Variants in DLGAP1 observed in about 807,000 individuals in gnomAD.
The protein encoded by DLGAP1 is disks large-associated protein 1.
Under a neutral mutation model 90.8 loss-of-function variants are expected in DLGAP1, and 11 were observed. The ratio of observed to expected loss-of-function variants is 0.12; its 90% CI spans 0.08 to 0.20. DLGAP1 has a LOEUF of 0.20. DLGAP1 is among the 10% of genes least tolerant of loss of function. The pLI is 1.00. For missense variants in DLGAP1, 1,050 were observed against 1,333.8 expected, an observed-to-expected ratio of 0.79 and a Z score of 3.31; for synonymous variants, 558 against 540.7, an observed-to-expected ratio of 1.03 and a Z score of -0.44.
chr18:3,675,848 T>C (rs978682256), intron 7 of DLGAP1, among the ~76,000 whole-genome samples: 11 of 152,234 alleles, frequency 7.2e-5, no homozygotes, highest in South Asian at 2.1e-4. Context: ...CACATGACTT[T>C]TTTTTGTACC....
intron 3 of DLGAP1, among the ~76,000 whole-genome samples, chr18:3,889,212 C>T (rs959160032): frequency 1.3e-4 from 19 of 151,940 alleles, no homozygotes; most frequent in Admixed American, 5.9e-4. Flanking sequence ...TAAAGACAGC[C>T]GTGATGGAAG....
At chr18:4,069,821 C>G (rs2075421668) in intron 2 of DLGAP1, among the ~76,000 whole-genome samples, 1 of 152,182 alleles carries the variant, frequency 6.6e-6, no homozygotes, top group Admixed American at 6.5e-5. Flanking sequence ...GCCAATTTAT[C>G]TCTTCATTTG....
intron 5 of DLGAP1, among the ~76,000 whole-genome samples, chr18:3,812,179 T>G (rs1210471799): frequency 1.3e-5 from 2 of 152,144 alleles, no homozygotes; most frequent in Non-Finnish European, 2.9e-5. Context: ...TACCTAACAT[T>G]GTGTCTAGTG....
intron 7 of DLGAP1, among the ~76,000 whole-genome samples, chr18:3,648,874 T>G (rs1343683568): frequency 1.3e-5 from 2 of 152,222 alleles, no homozygotes; most frequent in African/African-American, 4.8e-5. Context: ...TGTAAATGCC[T>G]ACTTCCTGCC....
intron 3 of DLGAP1, among the ~76,000 whole-genome samples, chr18:3,894,225 A>G (rs1041929984): frequency 5.3e-5 from 8 of 151,986 alleles, no homozygotes; most frequent in South Asian, 2.1e-4. Context: ...TTGAAATCCC[A>G]TTTGTTTATT....
In DLGAP1 at chr18:3,643,479, C is replaced by T. The variant is rs552404055; in HGVS notation, c.1592-61231G>A. 4.7e-4 allele frequency among the ~76,000 whole-genome samples: 71 copies of T among 151,790 alleles called. 1 individual carries two copies. Among genetic ancestry groups the T allele is most frequent in the Non-Finnish European group, 6.3e-4 (43 of 67,920 alleles). On this transcript the variant is annotated intron_variant, in intron 7 of 12. Coordinates refer to ENST00000315677, the MANE Select transcript of DLGAP1 (RefSeq NM_004746.4). ...GAGATCGAGACCATCCTGGCTAACA[C>T]GGTGAAACCTCGTCTCTACTAAAAA...
chr18:3,989,071 G>A lies in DLGAP1; in HGVS notation c.-73+16045C>T, dbSNP rs554560645. Among the ~76,000 whole-genome samples, 6 of 152,272 alleles carry A rather than the reference G, an allele frequency of 3.9e-5. No homozygotes were observed. In the South Asian group the frequency reaches 6.2e-4, roughly 16 times the overall value. On this transcript the variant is annotated intron_variant, in intron 3 of 12. Transcript: ENST00000315677. ...GCACTTCCGAGGCAATGGGTTGCTC[G>A]GGACTTTTGCTTCTCCCTCCCAGGA...
chr18:4,079,816 T>C (rs1326974451), intron 2 of DLGAP1, among the ~76,000 whole-genome samples: 2 of 152,164 alleles, frequency 1.3e-5, no homozygotes, highest in East Asian at 3.9e-4. Flanking sequence ...GATCTGGTGC[T>C]TGAGTTAAGG....
rs113457526 is a variant in DLGAP1, at chr18:3,979,222, T to C, written c.-73+25894A>G. Among the ~76,000 whole-genome samples, 80 of 141,470 alleles carry C rather than the reference T, an allele frequency of 5.7e-4. 1 individual carries two copies. Among genetic ancestry groups the C allele is most frequent in the African/African-American group, 2.0e-3 (76 of 38,742 alleles). 92.8% of individuals were successfully genotyped at this position (141,470 alleles called of 152,430 possible). On this transcript the variant is annotated intron_variant, in intron 3 of 12. Transcript: ENST00000315677. The stretch of plus-strand genomic sequence containing the variant: ...GTACAGTGGCAGTCCCATAAGACTA[T>C]AGAGCCCTATTTTTACCATTTTTTT...
At chr18:4,044,015 C>A (rs2075013957) in intron 2 of DLGAP1, among the ~76,000 whole-genome samples, 1 of 152,154 alleles carries the variant, frequency 6.6e-6, no homozygotes, top group South Asian at 2.1e-4. Context: ...GTACTAAATG[C>A]AAATTGGGTA....
chr18:3,575,671 CTCACTTTGTAATTATAAGAAAACAAA>C (rs1160042486), intron 8 of DLGAP1, among the ~76,000 whole-genome samples: 2 of 152,100 alleles, frequency 1.3e-5, no homozygotes, highest in East Asian at 3.9e-4. Flanking sequence ...ACATGAATTA[CTCACTTTGTAATTATAAGAAAACAAA>C]AAAAATTTAT....
chr18:4,306,099 A>AGG (rs1298545817), intron 1 of DLGAP1, among the ~76,000 whole-genome samples: 1 of 151,360 alleles, frequency 6.6e-6, no homozygotes, highest in African/African-American at 2.4e-5. Flanking sequence ...AGAGAGAGAG[A>AGG]GAGGGAGAGA....
At chr18:4,287,526 A>C (rs2079728901) in intron 1 of DLGAP1, among the ~76,000 whole-genome samples, 1 of 152,218 alleles carries the variant, frequency 6.6e-6, no homozygotes, top group African/African-American at 2.4e-5. Flanking sequence ...AAAAAGAATG[A>C]GTTCATGTCC....
intron 9 of DLGAP1, among the ~76,000 whole-genome samples, chr18:3,551,332 C>A (rs1451349857): frequency 6.6e-6 from 1 of 152,034 alleles, no homozygotes; most frequent in Non-Finnish European, 1.5e-5. Flanking sequence ...TCACTGCAAC[C>A]TCCACCTCCC....
intron 4 of DLGAP1, among the ~76,000 whole-genome samples, chr18:3,840,029 T>C (rs2068625837): frequency 6.6e-6 from 1 of 152,242 alleles, no homozygotes. Context: ...ACCCTCTCTT[T>C]CTAGACTTCC....
At chr18:3,981,486 C>G (rs957936833) in intron 3 of DLGAP1, among the ~76,000 whole-genome samples, 4 of 152,118 alleles carry the variant, frequency 2.6e-5, no homozygotes, top group Non-Finnish European at 5.9e-5. Flanking sequence ...TAAAAGGTTG[C>G]AAAAAGATTT....
At chr18:4,199,965 G>A (rs59257786) in intron 1 of DLGAP1, among the ~76,000 whole-genome samples, 11,444 of 152,062 alleles carry the variant, frequency 0.075, 1,228 homozygotes, top group African/African-American at 0.24. Context: ...ATGAAATCAT[G>A]GTCTCATCAT....
chr18:3,639,203 A>G (rs2058832219), intron 7 of DLGAP1, among the ~76,000 whole-genome samples: 1 of 152,020 alleles, frequency 6.6e-6, no homozygotes, highest in Non-Finnish European at 1.5e-5. Context: ...TAAAAATACA[A>G]AAGTTAGCCA....
chr18:4,078,825 A>G (rs533282639), intron 2 of DLGAP1, among the ~76,000 whole-genome samples: 1 of 152,292 alleles, frequency 6.6e-6, no homozygotes, highest in South Asian at 2.1e-4. Context: ...AGGATTCTTA[A>G]GTGAAACATG....
Sources: allele counts gnomAD v4.1 joint callset (sites outside exome capture counted in the v4.1 genomes callset), GRCh38; gene constraint gnomAD v4.1.1; transcripts MANE v1.5; gene names NCBI Gene and HGNC (gene_info 2026-07-23, HGNC 2026-07-21).